The following ENOX1 variants were observed in gnomAD, a reference collection of about 807,000 sequenced individuals.
ENOX1 encodes ecto-NOX disulfide-thiol exchanger 1, also known as candidate growth-related and time keeping constitutive hydroquinone (NADH) oxidase.
A neutral mutation model predicts 82.5 loss-of-function variants in ENOX1; 42 were observed. That is an observed-to-expected ratio of 0.51 (90% confidence interval 0.40 to 0.66). The LOEUF is 0.66. Ranked by LOEUF, ENOX1 falls within the 30% of genes least tolerant of loss-of-function variation. The pLI, the probability that ENOX1 is intolerant of heterozygous loss-of-function variation, is 0.00. For missense variants in ENOX1, 608 were observed against 811.6 expected (o/e 0.75, Z 3.05); for synonymous variants, 271 against 282.2 (o/e 0.96, Z 0.40).
chr13:43,532,444 T>A (rs1050421103), intron 2 of ENOX1, among the ~76,000 whole-genome samples: 2 of 152,190 alleles, frequency 1.3e-5, no homozygotes, highest in African/African-American at 4.8e-5. Context: ...AAGTCTATTT[T>A]CATAATACTA....
At chr13:43,703,826 A>G (rs1728699649) in intron 1 of ENOX1, among the ~76,000 whole-genome samples, 1 of 152,054 alleles carries the variant, frequency 6.6e-6, no homozygotes, top group Admixed American at 6.5e-5. Flanking sequence ...AGCTTTTCCT[A>G]TTTTAAAAAA....
chr13:43,416,387 G>A (rs1214771703), intron 3 of ENOX1, among the ~76,000 whole-genome samples: 31 of 145,706 alleles, frequency 2.1e-4, no homozygotes, highest in Non-Finnish European at 2.7e-4. Context: ...CATCCCAGAC[G>A]GGGCGGCCGG....
At chr13:43,470,365 C>CACATATATAT (rs1566307651) in intron 3 of ENOX1, among the ~76,000 whole-genome samples, 5 of 27,356 alleles carry the variant, frequency 1.8e-4, no homozygotes, top group African/African-American at 3.4e-4. Context: ...TATATATATA[C>CACATATATAT]GTATATATAT....
intron 14 of ENOX1, among the ~76,000 whole-genome samples, chr13:43,264,834 G>T (rs1467380381): frequency 6.6e-6 from 1 of 152,168 alleles, no homozygotes; most frequent in Non-Finnish European, 1.5e-5. Context: ...GGATATTCAA[G>T]GAACACTAAG....
At chr13:43,248,031 G>A (rs1486830825) in intron 14 of ENOX1, among the ~76,000 whole-genome samples, 1 of 146,766 alleles carries the variant, frequency 6.8e-6, no homozygotes, top group African/African-American at 2.5e-5. Flanking sequence ...GACTACAGGC[G>A]CCCGCCACTA....
At chr13:43,266,988 A>T (rs1156820794) in intron 13 of ENOX1, among the ~76,000 whole-genome samples, 1 of 152,024 alleles carries the variant, frequency 6.6e-6, no homozygotes, top group East Asian at 1.9e-4. Flanking sequence ...CATTCTTCCC[A>T]TTCCATGATG....
chr13:43,416,250 G>GAAGAGGCGCTCCCCATCTCC (rs2054530697), intron 3 of ENOX1, among the ~76,000 whole-genome samples: 1 of 104,492 alleles, frequency 9.6e-6, no homozygotes, highest in African/African-American at 4.0e-5. Context: ...GGGTGGCCGG[G>GAAGAGGCGCTCCCCATCTCC]CAGAGGTGCT....
intron 3 of ENOX1, among the ~76,000 whole-genome samples, chr13:43,436,268 G>C (rs2056022706): frequency 6.6e-6 from 1 of 152,068 alleles, no homozygotes; most frequent in Non-Finnish European, 1.5e-5. Context: ...CTTTATAAAA[G>C]ATAGACTGAA....
chr13:43,266,094 AT>A (rs1043326290), intron 13 of ENOX1, among the ~76,000 whole-genome samples: 3 of 152,178 alleles, frequency 2.0e-5, no homozygotes, highest in Non-Finnish European at 2.9e-5. Flanking sequence ...CTTAGGAGTA[AT>A]CAGTTATAAG....
At chr13:43,616,200 ATATATTTTTTTTTT>A (rs2082462366) in intron 2 of ENOX1, among the ~76,000 whole-genome samples, 1 of 19,084 alleles carries the variant, frequency 5.2e-5, no homozygotes, top group African/African-American at 6.9e-5. Flanking sequence ...ATATATATAT[ATATATTTTTTTTTT>A]TTTTTTAGGA....
At chr13:43,280,028 T>G in intron 12 of ENOX1, among the ~76,000 whole-genome samples, 1 of 152,254 alleles carries the variant, frequency 6.6e-6, no homozygotes, top group Admixed American at 6.5e-5. Context: ...CCAATTTGCT[T>G]GGATTTATTT....
intron 16 of ENOX1, among the ~76,000 whole-genome samples, chr13:43,218,110 G>A (rs2041586112): frequency 6.6e-6 from 1 of 152,032 alleles, no homozygotes; most frequent in Non-Finnish European, 1.5e-5. Context: ...GATGAAACTG[G>A]GATTTGAAAT....
chr13:43,484,202 C>G, intron 2 of ENOX1, 50 bp from the exon 3 acceptor site: 1 of 952,764 alleles, frequency 1.0e-6, no homozygotes, highest in Non-Finnish European at 1.2e-6. Flanking sequence ...AGTACCATTA[C>G]TGCCTGTAAT....
At chr13:43,412,477 A>T (rs555625713) in intron 4 of ENOX1, among the ~76,000 whole-genome samples, 22 of 152,342 alleles carry the variant, frequency 1.4e-4, no homozygotes, top group Admixed American at 1.4e-3. Flanking sequence ...ATAGTTGTCA[A>T]GCAGTAGAAC....
intron 12 of ENOX1, among the ~76,000 whole-genome samples, chr13:43,297,429 T>C (rs2046340422): frequency 6.6e-6 from 1 of 152,216 alleles, no homozygotes; most frequent in African/African-American, 2.4e-5. Flanking sequence ...ACAATCTTTT[T>C]TTTTTCAGAA....
chr13:43,451,295 G>A (rs534572838), intron 3 of ENOX1, among the ~76,000 whole-genome samples: 16 of 152,246 alleles, frequency 1.1e-4, no homozygotes, highest in African/African-American at 3.6e-4. Flanking sequence ...GGGAACTCAG[G>A]CTGGTTAAGT....
chr13:43,350,829 G>C (rs1381577937), intron 8 of ENOX1, among the ~76,000 whole-genome samples: 1 of 152,156 alleles, frequency 6.6e-6, no homozygotes, highest in Non-Finnish European at 1.5e-5. Flanking sequence ...GCCAAGCCGG[G>C]AGCACTGAAT....
At chr13:43,785,293 G>T (rs1435285463) in intron 1 of ENOX1, among the ~76,000 whole-genome samples, 2 of 152,068 alleles carry the variant, frequency 1.3e-5, no homozygotes, top group African/African-American at 4.8e-5. Context: ...CCCACCTCTC[G>T]AGCGGGCCCA....
At chr13:43,398,801 T>TTA (rs1325944490) in intron 5 of ENOX1, among the ~76,000 whole-genome samples, 1 of 128,586 alleles carries the variant, frequency 7.8e-6, no homozygotes, top group African/African-American at 3.5e-5. Flanking sequence ...TCATTTCTTC[T>TTA]TCTTTTTTTT....
Sources: gnomAD v4.1 joint callset for allele counts (sites outside exome capture counted in the v4.1 genomes callset) on GRCh38, gnomAD v4.1.1 for gene constraint, MANE v1.5 for transcripts, NCBI Gene and HGNC (gene_info 2026-07-23, HGNC 2026-07-21) for gene names.